The following MTOR variants were observed in gnomAD, a reference collection of about 807,000 sequenced individuals.
The protein encoded by MTOR is serine/threonine-protein kinase mTOR.
In MTOR, 70 loss-of-function variants were observed where a neutral mutation model predicts 319.8. The observed-to-expected ratio is 0.22, with a 90% CI of 0.18 to 0.27. The LOEUF (loss-of-function observed/expected upper bound fraction) is 0.27. Among genes scored for constraint, MTOR ranks in the 10% least tolerant of loss-of-function variants. The pLI is 1.00. For missense variants in MTOR, 1,890 were observed against 3,274.4 expected (o/e 0.58, Z 10.32); for synonymous variants, 1,183 against 1,211.4 (o/e 0.98, Z 0.49).
intron 4 of MTOR, 178 bp from the exon 5 acceptor site, chr1:11,256,370 T>C: frequency 1.0e-6 from 1 of 957,178 alleles, no homozygotes; most frequent in African/African-American, 1.8e-5. Context: ...AACATCTCAG[T>C]GCTCATTATC....
intron 6 of MTOR, among the ~76,000 whole-genome samples, chr1:11,250,724 A>G (rs565987267): frequency 6.6e-6 from 1 of 152,082 alleles, no homozygotes; most frequent in East Asian, 1.9e-4. Context: ...CAGTATCCTC[A>G]CTCAGGTGCC....
Position 11,199,233 on chromosome 1 carries a change from C to A in MTOR, c.4253+25G>T, listed in dbSNP as rs1481057266. On this transcript the variant is annotated intron_variant, in intron 28 of 57. Transcript: ENST00000361445. The surrounding 1 kb of genome is among the most constrained non-coding windows in gnomAD (Gnocchi z 4.5). ...GAGAGGTCATTTTGCATGAAGGCAG[C>A]AATTAAAAAGGGTTTATGGCCTACC... The A allele has an allele frequency of 1.2e-6, 2 of 1,614,038 alleles. No individual in the cohort carries two copies. Among genetic ancestry groups the A allele is most frequent in the Non-Finnish European group, 1.7e-6 (2 of 1,179,972 alleles).
chr1:11,112,967 A>G lies in MTOR; in HGVS notation c.7301-50T>C, dbSNP rs757641997. 5 of 1,571,408 alleles carry G rather than the reference A, an allele frequency of 3.2e-6. No homozygotes were observed. The South Asian group carries it at 3.4e-5, about 11-fold the overall frequency. The stretch of plus-strand genomic sequence containing the variant: ...GAAACATGCTTCAAATTTTGACTTG[A>G]AAGAAACTTGGTTATTTTCTTCCAG... On this transcript the variant is annotated intron_variant, in intron 53 of 57. Transcript: ENST00000361445.
chr1:11,253,784 C>A, intron 6 of MTOR, 55 bp downstream of exon 6: 1 of 1,604,668 alleles, frequency 6.2e-7, no homozygotes, highest in Non-Finnish European at 8.5e-7. Flanking sequence ...CGCCTTGCCT[C>A]GCTCACAGAA....
intron 30 of MTOR, among the ~76,000 whole-genome samples, chr1:11,155,929 A>C (rs1286554693): frequency 2.0e-5 from 3 of 152,220 alleles, no homozygotes; most frequent in African/African-American, 7.2e-5. Flanking sequence ...CAGAGAAAGT[A>C]GGGATAACCT....
intron 28 of MTOR, among the ~76,000 whole-genome samples, chr1:11,175,914 T>C (rs1295615321): frequency 6.6e-6 from 1 of 152,106 alleles, no homozygotes; most frequent in Non-Finnish European, 1.5e-5. Flanking sequence ...CCAGCTAATT[T>C]TTCTATTTTT....
In MTOR at chr1:11,212,827, C is replaced by G; in HGVS notation, c.3367G>C (p.Asp1123His). ...LLLPPIVKLFDAPEAPLPSRK... is the reference protein window; with the variant it reads ...LLLPPIVKLFHAPEAPLPSRK... ...GATGGCAGTGGAGCTTCAGGGGCAT[C>G]AAACAACTTAACAATAGGAGGCAGC... is the stretch of plus-strand genomic sequence containing the variant. The change falls in exon 22 of 58, where the codon GAT becomes CAT. Residue 1123 changes from aspartate (D) to histidine (H), a missense_variant. Coordinates refer to ENST00000361445, the MANE Select transcript of MTOR (RefSeq NM_004958.4). This position sits in a 1 kb window ranked among gnomAD's most constrained non-coding sequence, Gnocchi z 4.1. 1 of 1,614,116 alleles carries G rather than the reference C, an allele frequency of 6.2e-7. No individual in the cohort carries two copies. Among genetic ancestry groups the G allele is most frequent in the Non-Finnish European group, 8.5e-7 (1 of 1,179,998 alleles).
At chr1:11,200,040 G>A (rs1226847602) in intron 26 of MTOR, among the ~76,000 whole-genome samples, 3 of 152,206 alleles carry the variant, frequency 2.0e-5, no homozygotes, top group East Asian at 3.8e-4. Flanking sequence ...GCGGGGAGAA[G>A]AGCAGAGCAA....
rs1169193365 is a variant in MTOR at position 11,192,980 on chromosome 1, G to A, written c.4253+6278C>T. 2.0e-5 allele frequency among the ~76,000 whole-genome samples: 3 copies of A among 151,904 alleles called. No individual in the cohort carries two copies. In the East Asian group the frequency reaches 5.8e-4, roughly 30 times the overall value. On this transcript the variant is annotated intron_variant, in intron 28 of 57. Coordinates refer to ENST00000361445, the MANE Select transcript of MTOR (RefSeq NM_004958.4). ...CCATGTCCTAGAACAGCTATTCCTT[G>A]GGGGAGGAGAAAAGAAAACACGAAG...
At chr1:11,145,177 G>A (rs1323044521) in intron 32 of MTOR, 132 bp from the exon 33 acceptor site, 4 of 762,800 alleles carry the variant, frequency 5.2e-6, no homozygotes, top group Non-Finnish European at 8.8e-6. Flanking sequence ...ATTCGCTGAA[G>A]AAGGGCATTT....
chr1:11,121,302 T>A lies in MTOR; in HGVS notation c.6877A>T (p.Asn2293Tyr). 2 of 1,614,156 alleles carry A rather than the reference T, an allele frequency of 1.2e-6. No individual in the cohort carries two copies. Among genetic ancestry groups the A allele is most frequent in the Non-Finnish European group, 1.7e-6 (2 of 1,180,042 alleles). The change falls in exon 49 of 58, where the codon AAT becomes TAT. Residue 2293 changes from asparagine (N) to tyrosine (Y), a missense_variant. This residue lies in a region of MTOR where 249 missense variants were observed against 596.2 expected (regional missense o/e 0.42). Coordinates refer to ENST00000361445, the MANE Select transcript of MTOR (RefSeq NM_004958.4). This position sits in a 1 kb window ranked among gnomAD's most constrained non-coding sequence, Gnocchi z 4.9. ...TTGGCCAGGTCGTCCCCAGCTGTAT[T>A]ATTGACGGCATGCTCAAACACCTCC... ...KVEVFEHAVNNTAGDDLAKLL... is the reference protein window; with the variant it reads ...KVEVFEHAVNYTAGDDLAKLL...
At chr1:11,193,767 A>C in intron 28 of MTOR, 1 of 1,614,118 alleles carries the variant, frequency 6.2e-7, no homozygotes, top group South Asian at 1.1e-5. Context: ...CTGCGTGTAG[A>C]GATGGAGGTA....
chr1:11,261,232 G>A (rs544219443), intron 1 of MTOR, among the ~76,000 whole-genome samples: 4 of 151,352 alleles, frequency 2.6e-5, no homozygotes, highest in South Asian at 2.1e-4. Flanking sequence ...TTGGGAGGCC[G>A]AGGCGGGCGG....
intron 13 of MTOR, among the ~76,000 whole-genome samples, chr1:11,236,319 T>C (rs1257477328): frequency 6.6e-6 from 1 of 151,936 alleles, no homozygotes; most frequent in Non-Finnish European, 1.5e-5. Flanking sequence ...GTATATTTTG[T>C]AGAGACGTGG....
chr1:11,114,855 C>T lies in MTOR; in HGVS notation c.7122G>A (p.Lys2374=). The T allele has an allele frequency of 1.9e-6, 3 of 1,614,174 alleles. No individual in the cohort carries two copies. The highest frequency in any genetic ancestry group is 2.5e-6 in the Non-Finnish European group (3 of 1,180,032). ...ACATTCTTGTTAGTCTAAATGGAATCTTCTCTGGAAACTTCTCTCGGGTCA... is the reference window on the plus strand; with the variant it reads ...ACATTCTTGTTAGTCTAAATGGAATTTTCTCTGGAAACTTCTCTCGGGTCA... The part of the protein sequence containing the change: ...VAMTREKFPE[K]IPFRLTRMLT... Residue 2374 remains lysine, a synonymous_variant, in exon 52 of 58, where the codon AAG becomes AAA. Coordinates refer to ENST00000361445, the MANE Select transcript of MTOR (RefSeq NM_004958.4).
rs1176909287 is a variant in MTOR, at chr1:11,233,549, A to G, written c.2332-62T>C. On this transcript the variant is annotated intron_variant, in intron 14 of 57. Transcript: ENST00000361445. ...AGACTCTACTAGAAACCTTTCTTTTATATAAGTAAAATTCACCCAAGAGAC... is the reference window on the plus strand; with the variant it reads ...AGACTCTACTAGAAACCTTTCTTTTGTATAAGTAAAATTCACCCAAGAGAC... 5 of 1,325,228 alleles carry G rather than the reference A, an allele frequency of 3.8e-6. No homozygotes were observed. The East Asian group carries it at 1.2e-4, about 31-fold the overall frequency. The allele number at this position is 1,325,228 out of a possible 1,614,324, so 82.1% of individuals were successfully genotyped here.
intron 47 of MTOR, among the ~76,000 whole-genome samples, chr1:11,123,409 CT>C (rs950653302): frequency 0.022 from 2,722 of 121,996 alleles, 44 homozygotes; most frequent in South Asian, 0.057. Context: ...CTGTGCCCAG[CT>C]TTTTTTTTTT....
At position 11,144,707 on chromosome 1, in the gene MTOR, A is replaced by G; in HGVS notation, c.4813T>C (p.Tyr1605His). The G allele has an allele frequency of 6.2e-7, 1 of 1,614,080 alleles. No individual in the cohort carries two copies. The highest frequency in any genetic ancestry group is 8.5e-7 in the Non-Finnish European group (1 of 1,180,026). ...MLSELEEVIQ[Y>H]KLVPERREII... ...TCTCGTCGCTCGGGGACAAGTTTGT[A>G]CTGGATAACCTCCTCCAGCTCGGAC... The change falls in exon 34 of 58, where the codon TAC (tyrosine) becomes CAC (histidine). Residue 1605 changes from tyrosine to histidine, a missense_variant. Tyr to His is a moderately conservative substitution (Grantham distance 83). Transcript: ENST00000361445.
intron 29 of MTOR, among the ~76,000 whole-genome samples, chr1:11,162,490 A>G (rs192443999): frequency 0.019 from 2,905 of 152,308 alleles, 56 homozygotes; most frequent in East Asian, 0.055. Context: ...TGTCAGATTC[A>G]CCAAAGGTGA....
Sources: gnomAD v4.1 joint callset for allele counts (sites outside exome capture counted in the v4.1 genomes callset) on GRCh38, gnomAD v4.1.1 for gene constraint, gnomAD v4.1.1 regional missense constraint, Gnocchi (gnomAD v3.1) non-coding constraint, MANE v1.5 for transcripts, NCBI Gene and HGNC (gene_info 2026-07-23, HGNC 2026-07-21) for gene names.